The following SGCZ variants were observed in gnomAD, a reference collection of about 807,000 sequenced individuals.
SGCZ encodes zeta-sarcoglycan.
A neutral mutation model predicts 41.3 loss-of-function variants in SGCZ; 40 were observed. That is an observed-to-expected ratio of 0.97 (90% CI 0.75 to 1.26). SGCZ has a LOEUF of 1.26. SGCZ is among the 50% of genes most tolerant of loss of function. The pLI is 0.00. For synonymous variants in SGCZ, 206 were observed against 137.5 expected (o/e 1.50, Z -3.49); for missense variants, 552 against 369.8 (o/e 1.49, Z -4.04).
intron 2 of SGCZ, among the ~76,000 whole-genome samples, chr8:14,540,011 C>A (rs1248870175): frequency 3.3e-5 from 5 of 151,654 alleles, no homozygotes; most frequent in African/African-American, 4.8e-5. Flanking sequence ...TTTAAGAAGC[C>A]TGACAAGGAA....
intron 1 of SGCZ, among the ~76,000 whole-genome samples, chr8:14,681,002 G>A (rs12546111): frequency 0.2 from 29,324 of 146,108 alleles, 3,639 homozygotes; most frequent in East Asian, 0.44. Flanking sequence ...GTGAACCCTG[G>A]CACAATACCA....
rs375327374 is a variant in SGCZ at position 15,157,443 on chromosome 8, C to G, written c.39+80142G>C. Reference sequence around the variant, plus strand: ...TAAGGGGGAAAAAAAAAAAGTAGCCCGTAATTTTTTTCATTTTTTACAAAG... The same window carrying G: ...TAAGGGGGAAAAAAAAAAAGTAGCCGGTAATTTTTTTCATTTTTTACAAAG... On this transcript the variant is annotated intron_variant, in intron 1 of 7. Coordinates refer to ENST00000382080, the MANE Select transcript of SGCZ (RefSeq NM_139167.4). 2.6e-5 allele frequency among the ~76,000 whole-genome samples: 4 copies of G among 151,534 alleles called. No homozygotes were observed. The East Asian group carries it at 7.8e-4, about 29-fold the overall frequency.
chr8:14,376,015 G>A (rs868530564), intron 2 of SGCZ, among the ~76,000 whole-genome samples: 33 of 152,142 alleles, frequency 2.2e-4, no homozygotes, highest in African/African-American at 7.5e-4. Context: ...GATACAAAAC[G>A]TAAAACTACA....
chr8:14,335,049 T>G (rs1305448576), intron 2 of SGCZ, among the ~76,000 whole-genome samples: 1 of 152,086 alleles, frequency 6.6e-6, no homozygotes, highest in Non-Finnish European at 1.5e-5. Context: ...AGAAAGCACA[T>G]GAAGACACAG....
chr8:14,881,057 G>T (rs1345075736), intron 1 of SGCZ, among the ~76,000 whole-genome samples: 1 of 151,940 alleles, frequency 6.6e-6, no homozygotes, highest in Non-Finnish European at 1.5e-5. Flanking sequence ...ATGTGACCTT[G>T]GCCTGTGACT....
chr8:14,602,912 G>C (rs1805638376), intron 1 of SGCZ, among the ~76,000 whole-genome samples: 1 of 152,168 alleles, frequency 6.6e-6, no homozygotes, highest in Non-Finnish European at 1.5e-5. Context: ...TAAGGAAATG[G>C]AGATTTGATA....
intron 1 of SGCZ, among the ~76,000 whole-genome samples, chr8:14,613,344 C>A (rs140419114): frequency 1.3e-5 from 2 of 152,008 alleles, no homozygotes; most frequent in Admixed American, 6.6e-5. Flanking sequence ...AGTTTATGAA[C>A]GTACGATTGG....
intron 1 of SGCZ, among the ~76,000 whole-genome samples, chr8:14,979,074 T>C (rs573584649): frequency 2.0e-5 from 3 of 152,222 alleles, no homozygotes; most frequent in African/African-American, 7.2e-5. Flanking sequence ...GCTAGGATTA[T>C]AGGTGTGAGC....
chr8:15,165,714 G>C (rs184504529), intron 1 of SGCZ, among the ~76,000 whole-genome samples: 20 of 152,294 alleles, frequency 1.3e-4, no homozygotes, highest in Non-Finnish European at 1.2e-4. Flanking sequence ...GTTATAAGAA[G>C]GTATGGAAAT....
At chr8:14,767,271 C>G (rs182312472) in intron 1 of SGCZ, among the ~76,000 whole-genome samples, 27 of 152,196 alleles carry the variant, frequency 1.8e-4, no homozygotes, top group East Asian at 1.4e-3. Flanking sequence ...ATAAGGAAGC[C>G]CAGAGTAGGT....
At chr8:14,534,051 A>G (rs1223964703) in intron 2 of SGCZ, among the ~76,000 whole-genome samples, 1 of 152,030 alleles carries the variant, frequency 6.6e-6, no homozygotes, top group Non-Finnish European at 1.5e-5. Flanking sequence ...CTGCAGCAAT[A>G]GATTCAAGGA....
intron 1 of SGCZ, among the ~76,000 whole-genome samples, chr8:14,705,918 T>C (rs1308995825): frequency 1.3e-5 from 2 of 151,950 alleles, no homozygotes; most frequent in Admixed American, 1.3e-4. Flanking sequence ...AGGATAGGAG[T>C]TGTATAAGGA....
At chr8:14,192,705 A>G (rs1401064104) in intron 4 of SGCZ, among the ~76,000 whole-genome samples, 3 of 152,060 alleles carry the variant, frequency 2.0e-5, no homozygotes, top group Non-Finnish European at 4.4e-5. Context: ...TATTTATGCT[A>G]TTTCAGAATA....
intron 1 of SGCZ, among the ~76,000 whole-genome samples, chr8:15,101,675 A>G (rs959495262): frequency 2.0e-5 from 3 of 152,182 alleles, no homozygotes; most frequent in African/African-American, 7.2e-5. Context: ...TCACGCATGT[A>G]ATCCCAGCAC....
intron 1 of SGCZ, among the ~76,000 whole-genome samples, chr8:14,723,577 GC>G (rs1303652801): frequency 6.6e-6 from 1 of 152,092 alleles, no homozygotes. Flanking sequence ...CCATTGAGAG[GC>G]TCTGACCCCA....
At chr8:14,365,800 T>C (rs1193893142) in intron 2 of SGCZ, among the ~76,000 whole-genome samples, 3 of 152,148 alleles carry the variant, frequency 2.0e-5, no homozygotes, top group South Asian at 4.1e-4. Flanking sequence ...ATGTCAAATT[T>C]ATTGGGATAA....
chr8:14,318,562 G>A (rs1310038723), intron 3 of SGCZ, among the ~76,000 whole-genome samples: 9 of 151,958 alleles, frequency 5.9e-5, no homozygotes, highest in Non-Finnish European at 1.0e-4. Flanking sequence ...TACATAGAGA[G>A]TGCTAGAAAA....
intron 2 of SGCZ, among the ~76,000 whole-genome samples, chr8:14,464,168 T>G (rs1800981282): frequency 6.6e-6 from 1 of 151,658 alleles, no homozygotes; most frequent in Non-Finnish European, 1.5e-5. Flanking sequence ...CTTCGACATT[T>G]GTTAAAGTTT....
At chr8:14,399,261 T>G (rs1799005349) in intron 2 of SGCZ, among the ~76,000 whole-genome samples, 1 of 152,166 alleles carries the variant, frequency 6.6e-6, no homozygotes, top group Non-Finnish European at 1.5e-5. Flanking sequence ...TTATTGTTTG[T>G]CACAAAATAA....
Sources: allele counts gnomAD v4.1 joint callset (sites outside exome capture counted in the v4.1 genomes callset), GRCh38; gene constraint gnomAD v4.1.1; transcripts MANE v1.5; gene names NCBI Gene and HGNC (gene_info 2026-07-23, HGNC 2026-07-21).